The following ANXA4 variants were observed in gnomAD, a reference collection of about 807,000 sequenced individuals.
ANXA4 encodes annexin A4.
ANXA4 carries 39 observed loss-of-function variants against 49.8 expected under a neutral mutation model. The ratio of observed to expected loss-of-function variants is 0.78; its 90% confidence interval spans 0.61 to 1.02. ANXA4 has a LOEUF of 1.02. Ranked by LOEUF, ANXA4 falls within the 50% of genes least tolerant of loss-of-function variation. The pLI, the probability that ANXA4 is intolerant of heterozygous loss-of-function variation, is 0.00. For missense variants in ANXA4, 360 were observed against 410.1 expected (o/e 0.88, Z 1.05); for synonymous variants, 134 against 152.5 (o/e 0.88, Z 0.89).
chr2:69,671,025 CAAAAAAAAAAAAA>C (rs762968256), intron 2 of ANXA4, among the ~76,000 whole-genome samples: 1 of 32,546 alleles, frequency 3.1e-5, no homozygotes, highest in Non-Finnish European at 6.3e-5. Context: ...GACTCCATCT[CAAAAAAAAAAAAA>C]AAAAAAAAAA....
chr2:69,757,069 G>A (rs1303222172), intron 1 of ANXA4, among the ~76,000 whole-genome samples: 1 of 149,332 alleles, frequency 6.7e-6, no homozygotes, highest in East Asian at 1.9e-4. Flanking sequence ...TGAGACTACA[G>A]GCACGTGCCA....
chr2:69,668,541 T>C (rs140443542), intron 2 of ANXA4, among the ~76,000 whole-genome samples: 2 of 152,346 alleles, frequency 1.3e-5, no homozygotes, highest in East Asian at 3.9e-4. Flanking sequence ...TCTACATTTG[T>C]GTATAGGTAA....
intron 6 of ANXA4, 91 bp from the exon 7 acceptor site, chr2:69,810,503 C>G (rs1673650472): frequency 9.5e-7 from 1 of 1,047,174 alleles, no homozygotes; most frequent in African/African-American, 1.6e-5. Flanking sequence ...CATAAGCAGG[C>G]TGGTCTTGAG....
chr2:69,748,169 A>G (rs947148730), intron 1 of ANXA4, among the ~76,000 whole-genome samples: 5 of 151,812 alleles, frequency 3.3e-5, no homozygotes, highest in Non-Finnish European at 7.4e-5. Flanking sequence ...AGGTCAGGAG[A>G]TTGAGACCAT....
chr2:69,706,117 C>G (rs1444691271), intron 2 of ANXA4, among the ~76,000 whole-genome samples: 1 of 151,072 alleles, frequency 6.6e-6, no homozygotes, highest in Admixed American at 6.6e-5. Flanking sequence ...TTTATAATGG[C>G]AAAAATAATC....
chr2:69,731,130 C>T (rs1021057485), intron 3 of ANXA4, among the ~76,000 whole-genome samples: 35 of 152,208 alleles, frequency 2.3e-4, no homozygotes, highest in Non-Finnish European at 2.8e-4. Context: ...AAGGTAACAA[C>T]ATAGGGCCTG....
intron 2 of ANXA4, among the ~76,000 whole-genome samples, chr2:69,662,992 C>CTTTTT (rs746269236): frequency 1.9e-4 from 23 of 123,186 alleles, no homozygotes; most frequent in Admixed American, 3.1e-4. Flanking sequence ...TTTTCTTTTT[C>CTTTTT]TTTTTTTTTT....
At chr2:69,677,974 C>T (rs542110572) in intron 2 of ANXA4, among the ~76,000 whole-genome samples, 101 of 152,302 alleles carry the variant, frequency 6.6e-4, no homozygotes, top group Non-Finnish European at 5.3e-4. Context: ...TGCTATTGCA[C>T]CCTTGATAGA....
At chr2:69,774,338 C>A (rs866207451) in intron 1 of ANXA4, among the ~76,000 whole-genome samples, 2 of 103,270 alleles carry the variant, frequency 1.9e-5, no homozygotes, top group African/African-American at 7.8e-5. Flanking sequence ...CCCCCCCCCC[C>A]CCTTTTTTTT....
chr2:69,778,602 C>A (rs1394216468), intron 1 of ANXA4, among the ~76,000 whole-genome samples: 1 of 151,896 alleles, frequency 6.6e-6, no homozygotes, highest in Non-Finnish European at 1.5e-5. Context: ...ATGGAGAAAC[C>A]CTGTCTCTAC....
At chr2:69,815,951 G>A in intron 8 of ANXA4, 150 bp from the exon 9 acceptor site, 1 of 636,756 alleles carries the variant, frequency 1.6e-6, no homozygotes, top group Non-Finnish European at 2.8e-6. Flanking sequence ...GAAGGATCCT[G>A]AGTCATTTCC....
At chr2:69,748,282 G>A (rs868662000) in intron 1 of ANXA4, among the ~76,000 whole-genome samples, 26 of 151,874 alleles carry the variant, frequency 1.7e-4, no homozygotes, top group Non-Finnish European at 3.2e-4. Context: ...AGGAGGCTGA[G>A]GCAGGAGAAT....
At chr2:69,762,578 AAAAT>A (rs569287577) in intron 1 of ANXA4, among the ~76,000 whole-genome samples, 23 of 152,254 alleles carry the variant, frequency 1.5e-4, no homozygotes, top group Non-Finnish European at 2.2e-4. Context: ...TCTCTGGGCA[AAAAT>A]AAATAAATAA....
At chr2:69,650,687 C>T (rs1255320246) in intron 1 of ANXA4, among the ~76,000 whole-genome samples, 2 of 152,176 alleles carry the variant, frequency 1.3e-5, no homozygotes, top group Non-Finnish European at 1.5e-5. Context: ...CTCCTGGCCT[C>T]AAGCAATCCT....
chr2:69,787,153 C>G (rs1446289522), intron 2 of ANXA4, among the ~76,000 whole-genome samples: 1 of 152,172 alleles, frequency 6.6e-6, no homozygotes, highest in Non-Finnish European at 1.5e-5. Flanking sequence ...TGAAATATCA[C>G]CATAATGCCA....
intron 2 of ANXA4, among the ~76,000 whole-genome samples, chr2:69,677,683 G>A (rs927066873): frequency 6.6e-6 from 1 of 152,202 alleles, no homozygotes; most frequent in Admixed American, 6.5e-5. Context: ...GTTTTGAGCT[G>A]AAGGAGACTG....
chr2:69,720,678 A>C (rs1437707253), intron 2 of ANXA4: 2 of 152,256 alleles, frequency 1.3e-5, no homozygotes, highest in Admixed American at 6.5e-5. Flanking sequence ...GCAGAAGTCC[A>C]GTTGGTAATT....
At chr2:69,666,907 G>T (rs141559257) in intron 2 of ANXA4, among the ~76,000 whole-genome samples, 7 of 152,182 alleles carry the variant, frequency 4.6e-5, no homozygotes, top group Middle Eastern at 3.4e-3. Flanking sequence ...TTAGCTAAGC[G>T]TGTTGGTGCA....
chr2:69,664,138 A>C (rs1045701751), intron 2 of ANXA4, among the ~76,000 whole-genome samples: 1 of 152,240 alleles, frequency 6.6e-6, no homozygotes, highest in Admixed American at 6.5e-5. Flanking sequence ...ACAATGGAAT[A>C]ATGTCTTTAA....
Sources: allele counts gnomAD v4.1 joint callset (sites outside exome capture counted in the v4.1 genomes callset), GRCh38; gene constraint gnomAD v4.1.1; transcripts MANE v1.5; gene names NCBI Gene and HGNC (gene_info 2026-07-23, HGNC 2026-07-21).